ALMS1: variants seen among roughly 807,000 people sequenced by gnomAD.
ALMS1 encodes the protein ALMS1 centrosome and basal body associated protein, also known as centrosome-associated protein ALMS1.
In ALMS1, 271 loss-of-function variants were observed where a neutral mutation model predicts 352.2. That is an observed-to-expected ratio of 0.77 (90% CI 0.70 to 0.85). ALMS1 has a LOEUF of 0.85. Ranked by LOEUF, ALMS1 falls within the 40% of genes least tolerant of loss-of-function variation. The probability of loss-of-function intolerance (pLI) is 0.00; values close to 1 mark genes in which losing one functional copy is unlikely to be tolerated. For synonymous variants in ALMS1, 1,865 were observed against 1,761.2 expected (o/e 1.06, Z -1.48); for missense variants, 5,445 against 4,870.7 (o/e 1.12, Z -3.51).
At chr2:73,501,658 A>G (rs144793673) in intron 10 of ALMS1, among the ~76,000 whole-genome samples, 1 of 152,156 alleles carries the variant, frequency 6.6e-6, no homozygotes, top group African/African-American at 2.4e-5. Flanking sequence ...CTTTTTATTT[A>G]TCTTTACACC....
intron 16 of ALMS1, among the ~76,000 whole-genome samples, chr2:73,590,617 T>A (rs1052642383): frequency 1.3e-5 from 2 of 152,064 alleles, no homozygotes; most frequent in Non-Finnish European, 2.9e-5. Flanking sequence ...TTCCTATTCA[T>A]TTTTGTAAAC....
intron 9 of ALMS1, among the ~76,000 whole-genome samples, chr2:73,462,539 C>G (rs1458473354): frequency 6.6e-6 from 1 of 152,216 alleles, no homozygotes; most frequent in African/African-American, 2.4e-5. Flanking sequence ...CAGGAAGAAA[C>G]TGCATCAACT....
chr2:73,500,279 G>T (rs1673193663), intron 10 of ALMS1, among the ~76,000 whole-genome samples: 1 of 152,198 alleles, frequency 6.6e-6, no homozygotes, highest in South Asian at 2.1e-4. Context: ...GTTGTTCCAA[G>T]TCCATTCAGT....
chr2:73,522,026 C>A (rs1278695508), intron 11 of ALMS1, among the ~76,000 whole-genome samples: 1 of 151,036 alleles, frequency 6.6e-6, no homozygotes, highest in Admixed American at 6.6e-5. Context: ...ACAAGTTCCT[C>A]TACCCCTCTC....
At chr2:73,581,327 T>C (rs1186433142) in intron 16 of ALMS1, among the ~76,000 whole-genome samples, 1 of 152,194 alleles carries the variant, frequency 6.6e-6, no homozygotes, top group Non-Finnish European at 1.5e-5. Context: ...GCAGGTCCCT[T>C]GTGTCAGTCC....
intron 9 of ALMS1, among the ~76,000 whole-genome samples, chr2:73,484,102 T>G (rs967369547): frequency 2.4e-4 from 36 of 151,852 alleles, no homozygotes; most frequent in East Asian, 1.4e-3. Context: ...ATGTGTGAAT[T>G]TGATCCTGTC....
chr2:73,601,365 G>A lies in ALMS1; in HGVS notation c.12043G>A (p.Gly4015Ser). 1 of 1,614,144 alleles carries A rather than the reference G, an allele frequency of 6.2e-7. No homozygotes were observed. The highest frequency in any genetic ancestry group is 1.6e-4 in the Middle Eastern group (1 of 6,062). Residue 4015 changes from glycine (G) to serine (S), a missense_variant, in exon 19 of 23, where the codon GGC becomes AGC. Gly to Ser is a moderately conservative substitution (Grantham distance 56, BLOSUM62 0). Transcript: ENST00000613296. ...TCAGGGGCAGCACCTGGACGGTCGG[G>A]GCTACCTGGCAGGCCCAGGCAGAGA... ...NCQGQHLDGR[G>S]YLAGPGREAG...
intron 11 of ALMS1, 101 bp downstream of exon 11, chr2:73,520,117 T>G (rs2103962951): frequency 2.0e-6 from 3 of 1,476,720 alleles, no homozygotes; most frequent in Non-Finnish European, 2.8e-6. Flanking sequence ...AACCTAATTT[T>G]AATTTAAGAA....
At chr2:73,439,336 A>G (rs2103751465) in intron 7 of ALMS1, among the ~76,000 whole-genome samples, 1 of 151,304 alleles carries the variant, frequency 6.6e-6, no homozygotes, top group Admixed American at 6.6e-5. Flanking sequence ...GCTGGTTTTC[A>G]GCTCCTGGCC....
At position 73,603,446 on chromosome 2, in the gene ALMS1, A is replaced by G. The variant is rs563397581; in HGVS notation, c.12362+142A>G. The stretch of plus-strand genomic sequence containing the variant: ...AAGTTGTGAGAGTCATTTCTCACTT[A>G]TGGCACTGAAAAAAAAAAAAGCACA... On this transcript the variant is annotated intron_variant, in intron 21 of 22. Transcript: ENST00000613296. 6 of 706,982 alleles carry G rather than the reference A, an allele frequency of 8.5e-6. No individual in the cohort carries two copies. In the East Asian group the frequency reaches 1.7e-4, roughly 20 times the overall value. 43.8% of individuals were successfully genotyped at this position (706,982 alleles called of 1,614,324 possible). A position where few individuals can be genotyped will look rare whatever the true frequency, so the allele number is the denominator to read the frequency against.
At chr2:73,590,376 A>G (rs554629547) in intron 16 of ALMS1, among the ~76,000 whole-genome samples, 4 of 152,318 alleles carry the variant, frequency 2.6e-5, no homozygotes, top group African/African-American at 9.6e-5. Flanking sequence ...AATATTTACA[A>G]AATTAATTGT....
At chr2:73,426,426 T>C (rs1275970254) in intron 5 of ALMS1, 27 bp from the exon 6 acceptor site, 8 of 1,609,006 alleles carry the variant, frequency 5.0e-6, no homozygotes, top group Non-Finnish European at 6.8e-6. Flanking sequence ...ATACATACAA[T>C]TATGCAAAAT....
chr2:73,600,867 A>C lies in ALMS1; in HGVS notation c.11858A>C (p.Lys3953Thr). Residue 3953 changes from lysine to threonine, a missense_variant, in exon 18 of 23, where the codon AAG (lysine) becomes ACG (threonine). By Grantham distance (78) the Lys-to-Thr change is moderately conservative. Coordinates refer to ENST00000613296, the MANE Select transcript of ALMS1 (RefSeq NM_001378454.1). ...PEDRKLKKNK[K>T]NSHEGVSWFV... The stretch of plus-strand genomic sequence containing the variant: ...GACAGAAAGTTAAAAAAGAACAAGA[A>C]GAATTCCCATGAAGGTCAGTTTCTC... 1.2e-6 allele frequency: 2 copies of C among 1,613,950 alleles called. No individual in the cohort carries two copies. The highest frequency in any genetic ancestry group is 1.7e-6 in the Non-Finnish European group (2 of 1,179,898).
At chr2:73,535,150 G>A (rs1019846222) in intron 12 of ALMS1, among the ~76,000 whole-genome samples, 12 of 152,114 alleles carry the variant, frequency 7.9e-5, no homozygotes, top group Non-Finnish European at 1.5e-4. Context: ...ATTTGATGAA[G>A]GAAATTGTAT....
chr2:73,456,821 C>T (rs1270447153), intron 9 of ALMS1: 1 of 152,184 alleles, frequency 6.6e-6, no homozygotes, highest in Non-Finnish European at 1.5e-5. Flanking sequence ...GAGCACTATC[C>T]TAGCATCATT....
chr2:73,482,457 G>A (rs944717131), intron 9 of ALMS1, among the ~76,000 whole-genome samples: 23 of 152,110 alleles, frequency 1.5e-4, no homozygotes, highest in Admixed American at 2.0e-4. Flanking sequence ...AAGCTTTTCG[G>A]TGTGCTGCTG....
chr2:73,513,240 G>C (rs79723743), intron 10 of ALMS1, among the ~76,000 whole-genome samples: 5,422 of 151,828 alleles, frequency 0.036, 315 homozygotes, highest in African/African-American at 0.12. Context: ...AACATGTATA[G>C]CACCCCTCCC....
intron 1 of ALMS1, among the ~76,000 whole-genome samples, chr2:73,387,775 G>A (rs979496980): frequency 1.2e-4 from 19 of 152,194 alleles, no homozygotes; most frequent in Non-Finnish European, 2.5e-4. Context: ...GTGGGATGGG[G>A]AGCAGTAGCC....
intron 10 of ALMS1, among the ~76,000 whole-genome samples, chr2:73,515,605 G>C (rs1673538818): frequency 1.3e-5 from 2 of 152,190 alleles, no homozygotes; most frequent in South Asian, 4.2e-4. Context: ...GTATGAAATT[G>C]AGATGCGAAA....
Sources: allele counts gnomAD v4.1 joint callset (sites outside exome capture counted in the v4.1 genomes callset), GRCh38; gene constraint gnomAD v4.1.1; transcripts MANE v1.5; gene names NCBI Gene and HGNC (gene_info 2026-07-23, HGNC 2026-07-21).